TUSC3: variants seen among roughly 807,000 people sequenced by gnomAD.
TUSC3 encodes tumor suppressor candidate 3.
Under a neutral mutation model 44.8 loss-of-function variants are expected in TUSC3, and 45 were observed. The observed-to-expected ratio is 1.00, with a 90% confidence interval of 0.79 to 1.29. The LOEUF is 1.29. Ranked by LOEUF, TUSC3 falls within the 50% of genes most tolerant of loss-of-function variation. The pLI is 0.00. For synonymous variants in TUSC3, 212 were observed against 152.9 expected, an observed-to-expected ratio of 1.39 and a Z score of -2.85; for missense variants, 519 against 437.9, an observed-to-expected ratio of 1.19 and a Z score of -1.65.
intron 2 of TUSC3, among the ~76,000 whole-genome samples, chr8:15,533,716 C>T (rs981319353): frequency 1.3e-5 from 2 of 152,186 alleles, no homozygotes; most frequent in African/African-American, 4.8e-5. Context: ...GGAGCACTGT[C>T]TCTTACAGGC....
intron 1 of TUSC3, among the ~76,000 whole-genome samples, chr8:15,588,791 C>T (rs1803703227): frequency 6.6e-6 from 1 of 152,142 alleles, no homozygotes; most frequent in Non-Finnish European, 1.5e-5. Context: ...GTTTTCCCCG[C>T]ACTATTTATT....
chr8:15,752,537 A>AT (rs1302471124), intron 9 of TUSC3, among the ~76,000 whole-genome samples: 40 of 152,060 alleles, frequency 2.6e-4, no homozygotes, highest in Non-Finnish European at 2.4e-4. Context: ...AGTTTTTGGG[A>AT]TTTTTTCCAG....
At chr8:15,503,687 G>C (rs1801000616) in intron 2 of TUSC3, among the ~76,000 whole-genome samples, 2 of 152,036 alleles carry the variant, frequency 1.3e-5, no homozygotes, top group Admixed American at 6.6e-5. Context: ...CTGGGTAACA[G>C]AGTGAAATCT....
At chr8:15,483,620 T>C (rs1037295684) in intron 2 of TUSC3, 7 of 150,064 alleles carry the variant, frequency 4.7e-5, no homozygotes, top group South Asian at 4.2e-4. Context: ...ATTACAGGCG[T>C]GAGCCGTCGT....
chr8:15,444,589 G>A (rs1800066183), intron 1 of TUSC3, among the ~76,000 whole-genome samples: 1 of 152,100 alleles, frequency 6.6e-6, no homozygotes, highest in Admixed American at 6.6e-5. Context: ...GACTTAGCAA[G>A]ATTCTTGCTT....
chr8:15,621,874 C>A (rs571409660), intron 1 of TUSC3, among the ~76,000 whole-genome samples: 2 of 151,880 alleles, frequency 1.3e-5, no homozygotes, highest in Admixed American at 6.6e-5. Context: ...CTGCAGGTTA[C>A]TATGCTCTTT....
intron 2 of TUSC3, among the ~76,000 whole-genome samples, chr8:15,484,827 T>C (rs1800714501): frequency 6.6e-6 from 1 of 152,232 alleles, no homozygotes; most frequent in African/African-American, 2.4e-5. Context: ...AAATTCTTAC[T>C]ATCATTTAAA....
intron 1 of TUSC3, among the ~76,000 whole-genome samples, chr8:15,573,164 CTCTT>C (rs1489130421): frequency 2.1e-3 from 219 of 105,032 alleles, no homozygotes; most frequent in South Asian, 3.3e-3. Flanking sequence ...AGTGTTCTCT[CTCTT>C]TCTCTCTCTC....
In TUSC3 at chr8:15,474,431, T is replaced by C. The variant is rs542542130; in HGVS notation, n.92-8955T>C. On this transcript the variant is annotated intron_variant and non_coding_transcript_variant, in intron 1 of 5. Transcript: ENST00000503191. ...AGTATTATTTGGAAACTGGTGAATG[T>C]CCATGAAATCTTCACAATTTATGTT... Among the ~76,000 whole-genome samples the C allele has an allele frequency of 2.6e-4, 39 of 152,312 alleles. No homozygotes were observed. In the South Asian group the frequency reaches 7.5e-3, roughly 29 times the overall value.
intron 6 of TUSC3, among the ~76,000 whole-genome samples, chr8:15,700,371 A>T (rs1449798266): frequency 6.6e-6 from 1 of 152,150 alleles, no homozygotes; most frequent in African/African-American, 2.4e-5. Context: ...GCTGCAGGTG[A>T]TTCTACAGTT....
At position 15,673,808 on chromosome 8, in the gene TUSC3, C is replaced by T; in HGVS notation, c.770C>T (p.Ala257Val). 1 of 1,612,638 alleles carries T rather than the reference C, an allele frequency of 6.2e-7. No individual in the cohort carries two copies. Among genetic ancestry groups the T allele is most frequent in the Non-Finnish European group, 8.5e-7 (1 of 1,179,044 alleles). ...MWNHIRGPPYAHKNPHNGQVS... is the reference protein window; with the variant it reads ...MWNHIRGPPYVHKNPHNGQVS... ...AACCATATCCGTGGACCTCCATATG[C>T]TCATAAGAACCCACACAATGGACAA... The change falls in exon 6 of 11, where the codon GCT becomes GTT. Residue 257 changes from alanine to valine, a missense_variant. Coordinates refer to ENST00000503731, the MANE Select transcript of TUSC3 (RefSeq NM_006765.4).
intron 7 of TUSC3, among the ~76,000 whole-genome samples, chr8:15,732,912 C>T (rs1810782339): frequency 6.6e-6 from 1 of 152,158 alleles, no homozygotes; most frequent in Non-Finnish European, 1.5e-5. Flanking sequence ...TGAAATTGGG[C>T]ACATCTGCAG....
chr8:15,494,445 G>A (rs959805312), intron 2 of TUSC3, among the ~76,000 whole-genome samples: 2 of 151,918 alleles, frequency 1.3e-5, no homozygotes, highest in African/African-American at 2.4e-5. Flanking sequence ...AGCCTCCGGA[G>A]TAGCTGGGAC....
At chr8:15,620,010 T>C (rs13266281) in intron 1 of TUSC3, among the ~76,000 whole-genome samples, 29,796 of 152,138 alleles carry the variant, frequency 0.2, 3,807 homozygotes, top group Non-Finnish European at 0.28. Context: ...TGCGATTTGC[T>C]GAGATTGCAC....
chr8:15,683,827 C>G (rs896743873), intron 6 of TUSC3, among the ~76,000 whole-genome samples: 11 of 151,672 alleles, frequency 7.3e-5, no homozygotes, highest in African/African-American at 1.7e-4. Flanking sequence ...TTCTTTTTTC[C>G]TTGAAGGTTT....
chr8:15,745,051 C>CTGTT (rs1321750957), intron 8 of TUSC3, among the ~76,000 whole-genome samples: 9 of 152,082 alleles, frequency 5.9e-5, no homozygotes, highest in African/African-American at 2.2e-4. Context: ...ATTTGGTTTT[C>CTGTT]TGTTTCTGTG....
At chr8:15,817,033 T>G in the TUSC3 span, among the ~76,000 whole-genome samples, 14 of 152,202 alleles carry the variant, frequency 9.2e-5, no homozygotes, top group African/African-American at 3.4e-4. Flanking sequence ...ATTTGGAACT[T>G]GCTTTTTAAA....
chr8:15,432,057 G>T (rs1799879388), intron 1 of TUSC3, among the ~76,000 whole-genome samples: 1 of 151,760 alleles, frequency 6.6e-6, no homozygotes, highest in Admixed American at 6.6e-5. Context: ...GTTCATCAGG[G>T]ATATTGGCTT....
upstream of TUSC3, among the ~76,000 whole-genome samples, chr8:15,536,681 CAAAAAAAAAAAAAAAAAAAAAAAAAAAA>C (rs570573410): frequency 1.5e-4 from 7 of 45,572 alleles, no homozygotes; most frequent in South Asian, 7.9e-4. Flanking sequence ...GATTCCGTCT[CAAAAAAAAAAAAAAAAAAAAAAAAAAAA>C]AAAAAAAAAA....
Sources: allele counts gnomAD v4.1 joint callset (sites outside exome capture counted in the v4.1 genomes callset), GRCh38; gene constraint gnomAD v4.1.1; transcripts MANE v1.5; gene names NCBI Gene and HGNC (gene_info 2026-07-23, HGNC 2026-07-21).